Variants in PEAK1 observed in about 807,000 individuals in gnomAD.
The protein encoded by PEAK1 is pseudopodium enriched atypical kinase 1.
In PEAK1, 54 loss-of-function variants were observed where a neutral mutation model predicts 124.7. That is an observed-to-expected ratio of 0.43 (90% CI 0.35 to 0.54). The LOEUF (loss-of-function observed/expected upper bound fraction) is 0.54, where lower values mean the gene tolerates loss of function less well. Among genes scored for constraint, PEAK1 ranks in the 20% least tolerant of loss-of-function variants. The probability of loss-of-function intolerance (pLI) is 0.01; values close to 1 mark genes in which losing one functional copy is unlikely to be tolerated. For synonymous variants in PEAK1, 719 were observed against 760.0 expected (o/e 0.95, Z 0.89); for missense variants, 2,046 against 2,134.5 (o/e 0.96, Z 0.82).
At chr15:77,349,755 A>G in intron 2 of PEAK1, 4 of 985,296 alleles carry the variant, frequency 4.1e-6, no homozygotes, top group Non-Finnish European at 4.8e-6. Flanking sequence ...TTAAGTTGAG[A>G]TGATTCACTT....
At chr15:77,205,278 A>ATT (rs1567112441) in intron 6 of PEAK1, among the ~76,000 whole-genome samples, 29 of 143,410 alleles carry the variant, frequency 2.0e-4, no homozygotes, top group Non-Finnish European at 2.8e-4. Flanking sequence ...CTTTTTTTAA[A>ATT]AAAAAAAAAA....
chr15:77,346,257 A>C (rs1201434259), intron 2 of PEAK1: 1 of 929,182 alleles, frequency 1.1e-6, no homozygotes, highest in Non-Finnish European at 1.3e-6. Flanking sequence ...TCTGAAAATA[A>C]ATGTTGCTGT....
intron 6 of PEAK1, among the ~76,000 whole-genome samples, chr15:77,196,731 A>G (rs1049421174): frequency 6.6e-6 from 1 of 152,246 alleles, no homozygotes; most frequent in Non-Finnish European, 1.5e-5. Context: ...ACTGAATAAC[A>G]GCCTAAATAT....
At chr15:77,407,952 C>CACACATATAT (rs1204821615) in intron 1 of PEAK1, among the ~76,000 whole-genome samples, 8 of 89,592 alleles carry the variant, frequency 8.9e-5, no homozygotes, top group Non-Finnish European at 2.2e-4. Flanking sequence ...TACACATATA[C>CACACATATAT]ACACATATAT....
chr15:77,281,343 T>A (rs2062663169), intron 5 of PEAK1, among the ~76,000 whole-genome samples: 1 of 152,136 alleles, frequency 6.6e-6, no homozygotes, highest in Non-Finnish European at 1.5e-5. Context: ...ATTCATTCAA[T>A]ATAATCAAAA....
chr15:77,416,535 T>G (rs1349182088), intron 1 of PEAK1, among the ~76,000 whole-genome samples: 2 of 152,192 alleles, frequency 1.3e-5, no homozygotes, highest in Non-Finnish European at 1.5e-5. Context: ...CAAATCTGAT[T>G]CTACCACAGC....
chr15:77,347,710 T>C (rs946173784), intron 2 of PEAK1: 44 of 972,610 alleles, frequency 4.5e-5, no homozygotes, highest in Non-Finnish European at 5.1e-5. Context: ...ACAGAAAATA[T>C]TTCCATGTTT....
chr15:77,271,498 C>T (rs1417091174), intron 5 of PEAK1, among the ~76,000 whole-genome samples: 1 of 152,070 alleles, frequency 6.6e-6, no homozygotes, highest in East Asian at 1.9e-4. Context: ...TATTGTGGCA[C>T]TATTCACAAT....
At chr15:77,229,042 C>T (rs934709241) in intron 6 of PEAK1, among the ~76,000 whole-genome samples, 6 of 152,042 alleles carry the variant, frequency 3.9e-5, no homozygotes, top group African/African-American at 1.4e-4. Context: ...GTTCTCATTC[C>T]AGCAGCCAGT....
chr15:77,300,836 C>A (rs987007949), intron 2 of PEAK1, among the ~76,000 whole-genome samples: 3 of 151,708 alleles, frequency 2.0e-5, no homozygotes, highest in Admixed American at 2.0e-4. Context: ...GCTTAAAAAA[C>A]CAGTAATTAT....
intron 6 of PEAK1, among the ~76,000 whole-genome samples, chr15:77,235,783 G>T (rs1447161855): frequency 6.6e-6 from 1 of 152,174 alleles, no homozygotes; most frequent in African/African-American, 2.4e-5. Flanking sequence ...GGTTTTGTGG[G>T]CTGGGCCCAA....
chr15:77,192,335 G>A (rs148282708), intron 6 of PEAK1, among the ~76,000 whole-genome samples: 4 of 152,330 alleles, frequency 2.6e-5, no homozygotes, highest in African/African-American at 9.6e-5. Context: ...GATGGACCAT[G>A]AAGGATGGGA....
intron 2 of PEAK1, among the ~76,000 whole-genome samples, chr15:77,344,011 A>C (rs1001992741): frequency 1.3e-5 from 2 of 152,216 alleles, no homozygotes; most frequent in African/African-American, 4.8e-5. Context: ...CGTTGAAAAG[A>C]CTGTCCTTTC....
chr15:77,121,811 G>C (rs537020951), intron 9 of PEAK1, among the ~76,000 whole-genome samples: 47 of 152,112 alleles, frequency 3.1e-4, no homozygotes, highest in Non-Finnish European at 5.4e-4. Context: ...TGAACCTTAA[G>C]TGAGATGGAT....
intron 2 of PEAK1, among the ~76,000 whole-genome samples, chr15:77,308,629 G>C (rs530147596): frequency 2.6e-5 from 4 of 152,126 alleles, no homozygotes; most frequent in African/African-American, 9.6e-5. Flanking sequence ...TGAAGTCCTA[G>C]AACAGTAATA....
At chr15:77,164,934 G>A (rs1220544012) in intron 7 of PEAK1, among the ~76,000 whole-genome samples, 1 of 150,122 alleles carries the variant, frequency 6.7e-6, no homozygotes, top group East Asian at 1.9e-4. Flanking sequence ...ACGGAGTCTC[G>A]CTCTTGTCGC....
chr15:77,271,222 C>T (rs867395234), intron 5 of PEAK1, among the ~76,000 whole-genome samples: 17 of 152,210 alleles, frequency 1.1e-4, no homozygotes, highest in Middle Eastern at 6.8e-3. Flanking sequence ...AAAACTAAAC[C>T]GCAATGAGAT....
intron 6 of PEAK1, among the ~76,000 whole-genome samples, chr15:77,205,560 A>G (rs1005233466): frequency 6.6e-6 from 1 of 152,214 alleles, no homozygotes; most frequent in South Asian, 2.1e-4. Context: ...CTCCTGGCTC[A>G]TGGCTCTCCT....
intron 2 of PEAK1, among the ~76,000 whole-genome samples, chr15:77,289,681 TA>T (rs2063113110): frequency 6.6e-6 from 1 of 151,764 alleles, no homozygotes; most frequent in Admixed American, 6.6e-5. Context: ...ACTAAAAATA[TA>T]AAAATTAGTG....
Sources: allele counts gnomAD v4.1 joint callset (sites outside exome capture counted in the v4.1 genomes callset), GRCh38; gene constraint gnomAD v4.1.1; transcripts MANE v1.5; gene names NCBI Gene and HGNC (gene_info 2026-07-23, HGNC 2026-07-21).